PCDH11X: variants seen among roughly 807,000 people sequenced by gnomAD.
PCDH11X encodes protocadherin 11 X-linked, also known as protocadherin-11 X-linked.
PCDH11X carries 18 observed loss-of-function variants against 53.3 expected under a neutral mutation model. That is an observed-to-expected ratio of 0.34 (90% CI 0.23 to 0.50). PCDH11X has a LOEUF of 0.50. Ranked by LOEUF, PCDH11X falls within the 20% of genes least tolerant of loss-of-function variation. The pLI is 0.98. For missense variants in PCDH11X, 570 were observed against 1,032.4 expected, an observed-to-expected ratio of 0.55 and a Z score of 6.14; for synonymous variants, 279 against 393.3, an observed-to-expected ratio of 0.71 and a Z score of 3.44.
At chrX:92,449,616 A>G (rs2072737364) in intron 9 of PCDH11X, among the ~76,000 whole-genome samples, 1 of 111,976 alleles carries the variant, frequency 8.9e-6, no homozygotes, top group African/African-American at 3.2e-5. Context: ...ATGATAGAGC[A>G]TGGGTTAAAA....
At chrX:92,111,911 C>A (rs889240234) in intron 6 of PCDH11X, among the ~76,000 whole-genome samples, 1 of 109,491 alleles carries the variant, frequency 9.1e-6, no homozygotes, top group Non-Finnish European at 1.9e-5. Context: ...CGCCCGCCAC[C>A]TCGCCCGGCT....
intron 7 of PCDH11X, among the ~76,000 whole-genome samples, chrX:92,260,087 T>A (rs1163140954): frequency 1.8e-5 from 2 of 109,436 alleles, no homozygotes; most frequent in East Asian, 5.7e-4. Context: ...CCCTCCTTTA[T>A]CCTCCCCAGC....
chrX:92,440,382 T>C, intron 9 of PCDH11X, among the ~76,000 whole-genome samples: 1 of 109,059 alleles, frequency 9.2e-6, no homozygotes, highest in Non-Finnish European at 1.9e-5. Flanking sequence ...AATGTTTAGC[T>C]CTCACTTATA....
intron 5 of PCDH11X, chrX:91,876,568 T>C (rs1939626859): frequency 4.2e-6 from 2 of 471,727 alleles, no homozygotes; most frequent in Non-Finnish European, 5.2e-6. Context: ...GTAATCACGA[T>C]ATTTGTTATA....
chrX:91,843,263 ATGTGTGTGTG>A (rs3067347), intron 5 of PCDH11X, among the ~76,000 whole-genome samples: 2 of 91,393 alleles, frequency 2.2e-5, no homozygotes, highest in Admixed American at 1.3e-4. Context: ...ATACATACTT[ATGTGTGTGTG>A]TGTGTGTGTG....
intron 6 of PCDH11X, among the ~76,000 whole-genome samples, chrX:92,178,794 A>C (rs1246139975): frequency 8.9e-6 from 1 of 111,983 alleles, no homozygotes; most frequent in Non-Finnish European, 1.9e-5. Flanking sequence ...TTAACTACAC[A>C]TCAAACAAAT....
At chrX:92,163,811 C>A (rs1241576946) in intron 6 of PCDH11X, among the ~76,000 whole-genome samples, 1 of 111,621 alleles carries the variant, frequency 9.0e-6, no homozygotes, top group African/African-American at 3.3e-5. Context: ...TCTCCACACA[C>A]TGCTCTGTCT....
intron 10 of PCDH11X, among the ~76,000 whole-genome samples, chrX:92,514,629 G>A (rs2074224799): frequency 9.2e-6 from 1 of 108,810 alleles, no homozygotes; most frequent in African/African-American, 3.3e-5. Flanking sequence ...TACTCGGGCG[G>A]CTGAGGCAGG....
chrX:92,475,591 C>G, intron 10 of PCDH11X, among the ~76,000 whole-genome samples: 1 of 111,992 alleles, frequency 8.9e-6, no homozygotes, highest in South Asian at 3.7e-4. Context: ...TCTTGCTGCT[C>G]TTTCTAAAAT....
At chrX:92,109,407 G>A (rs1213664092) in intron 6 of PCDH11X, among the ~76,000 whole-genome samples, 1 of 110,481 alleles carries the variant, frequency 9.1e-6, no homozygotes, top group African/African-American at 3.3e-5. Flanking sequence ...TTGGCAGTAG[G>A]GGCTTGGGAA....
At chrX:91,872,375 A>G (rs1939369727) in intron 5 of PCDH11X, among the ~76,000 whole-genome samples, 1 of 109,546 alleles carries the variant, frequency 9.1e-6, no homozygotes, top group African/African-American at 3.3e-5. Flanking sequence ...TCCTGTGCCT[A>G]TACAGACTGA....
At chrX:92,490,806 G>A (rs1273349999) in intron 10 of PCDH11X, among the ~76,000 whole-genome samples, 1 of 109,360 alleles carries the variant, frequency 9.1e-6, no homozygotes, top group African/African-American at 3.4e-5. Context: ...GAGAAAGAAA[G>A]AGAGAGAGAG....
At chrX:92,564,466 C>T (rs1342278456) in intron 10 of PCDH11X, among the ~76,000 whole-genome samples, 1 of 102,827 alleles carries the variant, frequency 9.7e-6, no homozygotes, top group African/African-American at 3.5e-5. Context: ...TAAATTCACA[C>T]ACCTACAGTG....
In PCDH11X at chrX:92,563,047, G is replaced by GTT. The variant is rs61411325; in HGVS notation, c.3368-55184_3368-55183dup. Among the ~76,000 whole-genome samples the GTT allele has an allele frequency of 5.9e-3, 257 of 43,871 alleles. 16 individuals are homozygous for GTT. The highest frequency in any genetic ancestry group is 0.025 in the Middle Eastern group (1 of 40). 38.1% of individuals were successfully genotyped at this position (43,871 alleles called of 115,157 possible). ...GAAAAATTCCCAACTCCTTGGTACC[G>GTT]TTTTTTTTTTTTTTTTTTTTTTTTT... On this transcript the variant is annotated intron_variant, in intron 10 of 10. Transcript: ENST00000682573.
chrX:92,283,171 C>T (rs748432676), intron 8 of PCDH11X, among the ~76,000 whole-genome samples: 4 of 111,471 alleles, frequency 3.6e-5, no homozygotes, highest in Non-Finnish European at 3.8e-5. Context: ...TTAGCAACAC[C>T]TATGGCAATA....
chrX:91,936,255 G>C (rs1402906450), intron 6 of PCDH11X, among the ~76,000 whole-genome samples: 1 of 109,228 alleles, frequency 9.2e-6, no homozygotes. Context: ...AGCAAAATGG[G>C]GTCTATTGGG....
At chrX:92,412,508 AG>A (rs34640471) in intron 9 of PCDH11X, among the ~76,000 whole-genome samples, 1,688 of 40,289 alleles carry the variant, frequency 0.042, 40 homozygotes, top group African/African-American at 0.13. Context: ...TAAAGAAAAT[AG>A]TATATATATA....
intron 9 of PCDH11X, among the ~76,000 whole-genome samples, chrX:92,434,385 A>G (rs1374698068): frequency 9.1e-6 from 1 of 109,701 alleles, no homozygotes; most frequent in Non-Finnish European, 1.9e-5. Flanking sequence ...AGAAGAAAAG[A>G]CAAAATGTAA....
Position 92,046,466 on chromosome X carries a change from A to G in PCDH11X, c.3034-154909A>G, listed in dbSNP as rs749924874. On this transcript the variant is annotated intron_variant, in intron 6 of 10. Transcript: ENST00000682573. Reference sequence around the variant, plus strand: ...TCCAAGGATTTAAAGACCTTCCAAAATATAATCTTTGGAAGGTACCGTCTA... The same window carrying G: ...TCCAAGGATTTAAAGACCTTCCAAAGTATAATCTTTGGAAGGTACCGTCTA... Among the ~76,000 whole-genome samples, 147 of 111,821 alleles carry G rather than the reference A, an allele frequency of 1.3e-3. 1 individual carries two copies. Among genetic ancestry groups the G allele is most frequent in the East Asian group, 1.7e-3 (6 of 3,515 alleles).
Sources: allele counts gnomAD v4.1 joint callset (sites outside exome capture counted in the v4.1 genomes callset), GRCh38; gene constraint gnomAD v4.1.1; transcripts MANE v1.5; gene names NCBI Gene and HGNC (gene_info 2026-07-23, HGNC 2026-07-21).